The following RBM20 variants were observed in gnomAD, a reference collection of about 807,000 sequenced individuals.
RBM20 encodes RNA-binding protein 20.
In RBM20, 51 loss-of-function variants were observed where a neutral mutation model predicts 110.1. That is an observed-to-expected ratio of 0.46 (90% CI 0.37 to 0.59). RBM20 has a LOEUF of 0.59. Among genes scored for constraint, RBM20 ranks in the 20% least tolerant of loss-of-function variants. The probability of loss-of-function intolerance (pLI) is 0.00; values close to 1 mark genes in which losing one functional copy is unlikely to be tolerated. For missense variants in RBM20, 1,512 were observed against 1,574.9 expected (o/e 0.96, Z 0.68); for synonymous variants, 589 against 618.2 (o/e 0.95, Z 0.70).
chr10:110,831,324 C>T, intron 13 of RBM20, 142 bp downstream of exon 13: 2 of 801,726 alleles, frequency 2.5e-6, no homozygotes, highest in East Asian at 2.8e-5. Context: ...AGGTTACTTG[C>T]CATTCCCCAA....
chr10:110,837,232 T>G lies in RBM20; in HGVS notation c.*1254T>G, dbSNP rs930481093. 1 of 152,214 alleles carries G rather than the reference T, an allele frequency of 6.6e-6. No homozygotes were observed. 9.4% of individuals were successfully genotyped at this position (152,214 alleles called of 1,614,324 possible). ...TGCAGACTTTGATACCAAAATGTTATGAAAAGTCGTGATTCCCGCTGCTCT... is the reference window on the plus strand; with the variant it reads ...TGCAGACTTTGATACCAAAATGTTAGGAAAAGTCGTGATTCCCGCTGCTCT... On this transcript the variant is annotated 3_prime_UTR_variant, in exon 14 of 14. Coordinates refer to ENST00000369519, the MANE Select transcript of RBM20 (RefSeq NM_001134363.3).
chr10:110,674,392 T>C (rs1283331377), intron 1 of RBM20, among the ~76,000 whole-genome samples: 1 of 152,208 alleles, frequency 6.6e-6, no homozygotes, highest in Admixed American at 6.5e-5. Flanking sequence ...TACTTTCAGG[T>C]TAGAGCAGGA....
rs775062085 is a variant in RBM20 at position 110,784,403 on chromosome 10, C to T, written c.1400C>T (p.Thr467Ile). Residue 467 changes from threonine to isoleucine, a missense_variant, in exon 4 of 14, where the codon ACA becomes ATA. Physicochemically the swap from Thr to Ile is moderately conservative, Grantham distance 89. This residue lies in a region of RBM20 where 1,149 missense variants were observed against 1,169.4 expected (regional missense o/e 0.98). Transcript: ENST00000369519. ...ACATTGTGTGCTTCTCCCAACAGCA[C>T]AGCTGTTTATAACCCTGCTGGGAAT... ...EGTLCASPNS[T>I]AVYNPAGNED... 6.4e-7 allele frequency: 1 copy of T among 1,551,220 alleles called. No individual in the cohort carries two copies. Among genetic ancestry groups the T allele is most frequent in the East Asian group, 2.4e-5 (1 of 40,934 alleles).
chr10:110,724,639 A>AT (rs1843542520), intron 1 of RBM20, among the ~76,000 whole-genome samples: 1 of 152,128 alleles, frequency 6.6e-6, no homozygotes, highest in African/African-American at 2.4e-5. Context: ...GTGCTGGGCC[A>AT]TATCGTTGCC....
intron 5 of RBM20, among the ~76,000 whole-genome samples, chr10:110,793,138 C>G (rs994266098): frequency 1.3e-5 from 2 of 152,174 alleles, no homozygotes; most frequent in African/African-American, 4.8e-5. Context: ...CGTGGGGAAA[C>G]TAAGGCTCAG....
chr10:110,732,818 T>A (rs1381686577), intron 1 of RBM20, among the ~76,000 whole-genome samples: 1 of 152,124 alleles, frequency 6.6e-6, no homozygotes, highest in African/African-American at 2.4e-5. Flanking sequence ...ATTGACTGTG[T>A]TGACCTCTGG....
At chr10:110,707,363 A>G (rs1303555107) in intron 1 of RBM20, among the ~76,000 whole-genome samples, 1 of 152,238 alleles carries the variant, frequency 6.6e-6, no homozygotes, top group Non-Finnish European at 1.5e-5. Flanking sequence ...TGCATAGCCA[A>G]TTCATTTCAA....
chr10:110,741,178 C>T (rs1179695115), intron 1 of RBM20, among the ~76,000 whole-genome samples: 1 of 152,152 alleles, frequency 6.6e-6, no homozygotes, highest in East Asian at 1.9e-4. Context: ...ATCTTCCATA[C>T]CCTTCTGCAC....
intron 1 of RBM20, among the ~76,000 whole-genome samples, chr10:110,767,547 G>C (rs1292427941): frequency 4.7e-4 from 70 of 150,504 alleles, no homozygotes; most frequent in African/African-American, 1.6e-3. Context: ...CGGCTGCCGG[G>C]CGGAGGGGCT....
chr10:110,707,928 A>G (rs1484869791), intron 1 of RBM20, among the ~76,000 whole-genome samples: 1 of 152,214 alleles, frequency 6.6e-6, no homozygotes, highest in Non-Finnish European at 1.5e-5. Context: ...CAAATAAATG[A>G]CAAATGCATG....
intron 1 of RBM20, among the ~76,000 whole-genome samples, chr10:110,736,877 C>T (rs1218218001): frequency 2.0e-5 from 3 of 151,858 alleles, no homozygotes; most frequent in African/African-American, 7.3e-5. Flanking sequence ...GATTAGTGCT[C>T]TTATAAAAAA....
intron 7 of RBM20, among the ~76,000 whole-genome samples, chr10:110,808,550 G>T (rs760333781): frequency 4.6e-5 from 7 of 152,104 alleles, no homozygotes; most frequent in Non-Finnish European, 1.0e-4. Flanking sequence ...CTTGAATGGG[G>T]GATTGGCTGA....
chr10:110,826,749 GT>G (rs1256992092), intron 12 of RBM20, among the ~76,000 whole-genome samples: 1 of 151,816 alleles, frequency 6.6e-6, no homozygotes, highest in Non-Finnish European at 1.5e-5. Flanking sequence ...CGCCTGGCTA[GT>G]TTTTGGTCTT....
At chr10:110,696,305 C>G (rs540144970) in intron 1 of RBM20, among the ~76,000 whole-genome samples, 1 of 152,328 alleles carries the variant, frequency 6.6e-6, no homozygotes, top group South Asian at 2.1e-4. Context: ...TTACCCAGGA[C>G]TCAGCTAGTC....
chr10:110,741,581 A>G (rs1261028079), intron 1 of RBM20, among the ~76,000 whole-genome samples: 2 of 152,054 alleles, frequency 1.3e-5, no homozygotes, highest in Non-Finnish European at 2.9e-5. Flanking sequence ...GCCAGCTTTC[A>G]GTCCTAAATT....
intron 1 of RBM20, among the ~76,000 whole-genome samples, chr10:110,660,420 C>A (rs538258107): frequency 6.6e-6 from 1 of 152,264 alleles, no homozygotes; most frequent in East Asian, 1.9e-4. Flanking sequence ...GATCCCCAAC[C>A]CCCAGGCCAT....
intron 1 of RBM20, among the ~76,000 whole-genome samples, chr10:110,667,121 T>C (rs1862190122): frequency 6.6e-6 from 1 of 152,178 alleles, no homozygotes; most frequent in African/African-American, 2.4e-5. Flanking sequence ...TTGGCTGTTG[T>C]GAGGATGACA....
chr10:110,804,277 G>T (rs1844668312), intron 7 of RBM20, among the ~76,000 whole-genome samples: 1 of 152,188 alleles, frequency 6.6e-6, no homozygotes, highest in Admixed American at 6.5e-5. Flanking sequence ...GACCCACCTA[G>T]AGCTCTGGAG....
intron 2 of RBM20, among the ~76,000 whole-genome samples, chr10:110,782,262 G>T (rs1305228090): frequency 6.6e-6 from 1 of 152,170 alleles, no homozygotes; most frequent in Non-Finnish European, 1.5e-5. Flanking sequence ...TACCCATATT[G>T]TAGTGAGTTA....
Sources: gnomAD v4.1 joint callset for allele counts (sites outside exome capture counted in the v4.1 genomes callset) on GRCh38, gnomAD v4.1.1 for gene constraint, gnomAD v4.1.1 regional missense constraint, MANE v1.5 for transcripts, NCBI Gene and HGNC (gene_info 2026-07-23, HGNC 2026-07-21) for gene names.